CACNA1I: variants seen among roughly 807,000 people sequenced by gnomAD.
The protein encoded by CACNA1I is calcium voltage-gated channel subunit alpha1 I, also known as voltage-dependent T-type calcium channel subunit alpha-1I.
CACNA1I carries 74 observed loss-of-function variants against 201.6 expected under a neutral mutation model. The observed-to-expected ratio is 0.37, with a 90% confidence interval of 0.30 to 0.45. CACNA1I has a LOEUF of 0.45. Among genes scored for constraint, CACNA1I ranks in the 20% least tolerant of loss-of-function variants. CACNA1I has a pLI of 1.00. For synonymous variants in CACNA1I, 1,431 were observed against 1,345.2 expected, an observed-to-expected ratio of 1.06 and a Z score of -1.40; for missense variants, 2,346 against 3,138.1, an observed-to-expected ratio of 0.75 and a Z score of 6.03.
intron 1 of CACNA1I, among the ~76,000 whole-genome samples, chr22:39,572,565 G>C (rs1401505849): frequency 2.0e-5 from 3 of 152,078 alleles, no homozygotes; most frequent in East Asian, 3.9e-4. Flanking sequence ...TCCTTGCTGG[G>C]TGGGGGCTAA....
chr22:39,586,259 G>A (rs1932750494), intron 1 of CACNA1I, among the ~76,000 whole-genome samples: 5 of 152,190 alleles, frequency 3.3e-5, no homozygotes, highest in Admixed American at 3.3e-4. Context: ...GGAGGCCAAG[G>A]TGGGTGAATC....
intron 5 of CACNA1I, among the ~76,000 whole-genome samples, chr22:39,635,063 A>C (rs1477061498): frequency 6.6e-6 from 1 of 152,104 alleles, no homozygotes; most frequent in Admixed American, 6.5e-5. Flanking sequence ...GATTATTGAC[A>C]CACAAATCAA....
At chr22:39,672,356 T>A in intron 27 of CACNA1I, 48 bp downstream of exon 27, 1 of 1,266,494 alleles carries the variant, frequency 7.9e-7, no homozygotes, top group Non-Finnish European at 1.2e-6. Context: ...GACTGCAGGA[T>A]GAAGAAGCAG....
Position 39,662,856 on chromosome 22 carries a change from C to T in CACNA1I, c.3453C>T (p.Tyr1151=), listed in dbSNP as rs1482386128. The change falls in exon 18 of 37, where the codon TAC becomes TAT. Residue 1151 remains tyrosine, a synonymous_variant. Coordinates refer to ENST00000402142, the MANE Select transcript of CACNA1I (RefSeq NM_021096.4). The part of the protein sequence containing the change: ...WCEVREDWSV[Y]LFSPENRFRV... ...AGGTCCGCGAAGACTGGTCTGTCTA[C>T]CTCTTCTCTCCCGAGAACAGGTGGG... is the stretch of plus-strand genomic sequence containing the variant. The T allele has an allele frequency of 3.1e-6, 5 of 1,595,254 alleles. No homozygotes were observed. The East Asian group carries it at 6.8e-5, about 22-fold the overall frequency.
rs1413126482 is a variant in CACNA1I, at chr22:39,685,345, G to A, written c.6028-416G>A. ...TGGGAGGTGGGGGGCCCACGGGGCC[G>A]GGAGGTGGGGGCCAGGGGCCGGAGC... is the stretch of plus-strand genomic sequence containing the variant. On this transcript the variant is annotated intron_variant, in intron 36 of 36. Coordinates refer to ENST00000402142, the MANE Select transcript of CACNA1I (RefSeq NM_021096.4). The surrounding 1 kb of genome is among the most constrained non-coding windows in gnomAD (Gnocchi z 5.0). The A allele has an allele frequency of 8.7e-5, 14 of 160,910 alleles. No homozygotes were observed. Among genetic ancestry groups the A allele is most frequent in the Non-Finnish European group, 1.9e-4 (14 of 75,036 alleles). The allele number at this position is 160,910 out of a possible 1,614,324, so 10.0% of individuals were successfully genotyped here.
At position 39,677,512 on chromosome 22, in the gene CACNA1I, G is replaced by A. The variant is rs892252666; in HGVS notation, c.4933+93G>A. 66 of 849,404 alleles carry A rather than the reference G, an allele frequency of 7.8e-5. No individual in the cohort carries two copies. Among genetic ancestry groups the A allele is most frequent in the Middle Eastern group, 2.9e-4 (1 of 3,490 alleles). 52.6% of individuals were successfully genotyped at this position (849,404 alleles called of 1,614,324 possible). The stretch of plus-strand genomic sequence containing the variant: ...GGGGAGGCCTGAGACCCCTGAGCCC[G>A]TCACATCAGGGTCTTTGTATTGGGG... On this transcript the variant is annotated intron_variant, in intron 30 of 36. Transcript: ENST00000402142. The surrounding 1 kb of genome is among the most constrained non-coding windows in gnomAD (Gnocchi z 4.8).
chr22:39,589,479 C>T (rs1048601446), intron 1 of CACNA1I, among the ~76,000 whole-genome samples: 1 of 152,258 alleles, frequency 6.6e-6, no homozygotes, highest in African/African-American at 2.4e-5. Context: ...ACCCCAGGCT[C>T]TGAAACAGCT....
intron 10 of CACNA1I, among the ~76,000 whole-genome samples, chr22:39,653,628 C>T (rs1012429227): frequency 3.9e-5 from 6 of 152,180 alleles, no homozygotes; most frequent in African/African-American, 1.4e-4. Context: ...TCCTGGCTGG[C>T]AGGGAGCTCT....
At chr22:39,683,098 T>C (rs961803205) in intron 35 of CACNA1I, among the ~76,000 whole-genome samples, 2 of 152,226 alleles carry the variant, frequency 1.3e-5, no homozygotes, top group African/African-American at 2.4e-5. Context: ...GTGTCTTCAA[T>C]AGCCGTTTTG....
chr22:39,624,407 C>T (rs1159723505), intron 4 of CACNA1I, among the ~76,000 whole-genome samples: 5 of 152,270 alleles, frequency 3.3e-5, no homozygotes, highest in Middle Eastern at 3.4e-3. Flanking sequence ...AGAGGAGCTC[C>T]GAGCGGGCTC....
chr22:39,681,273 C>T (rs893565593), intron 34 of CACNA1I, among the ~76,000 whole-genome samples: 1 of 152,234 alleles, frequency 6.6e-6, no homozygotes, highest in East Asian at 1.9e-4. Context: ...CACTCCAACC[C>T]GGCACCCAGC....
chr22:39,644,240 G>A (rs967665747), intron 7 of CACNA1I, among the ~76,000 whole-genome samples: 1 of 152,218 alleles, frequency 6.6e-6, no homozygotes, highest in Non-Finnish European at 1.5e-5. Flanking sequence ...AGGGGCTGGA[G>A]GATGCTCCAT....
In CACNA1I at chr22:39,634,623, G is replaced by A; in HGVS notation, c.639G>A (p.Leu213=). 1 of 1,613,962 alleles carries A rather than the reference G, an allele frequency of 6.2e-7. No homozygotes were observed. ...CACTGCCCATGCTGGGGAATGTCCTGCTGCTCTGCTTCTTTGTCTTCTTCA... is the reference window on the plus strand; with the variant it reads ...CACTGCCCATGCTGGGGAATGTCCTACTGCTCTGCTTCTTTGTCTTCTTCA... ...LDTLPMLGNV[L]LLCFFVFFIF... Residue 213 remains leucine, a synonymous_variant, in exon 5 of 37, where the codon CTG becomes CTA. Coordinates refer to ENST00000402142, the MANE Select transcript of CACNA1I (RefSeq NM_021096.4).
At chr22:39,612,748 G>C (rs1432731823) in intron 3 of CACNA1I, among the ~76,000 whole-genome samples, 1 of 152,174 alleles carries the variant, frequency 6.6e-6, no homozygotes, top group Non-Finnish European at 1.5e-5. Flanking sequence ...CCATAGCAAT[G>C]GGTGAAATGA....
chr22:39,572,288 G>T (rs1269608435), intron 1 of CACNA1I, among the ~76,000 whole-genome samples: 1 of 152,034 alleles, frequency 6.6e-6, no homozygotes, highest in Non-Finnish European at 1.5e-5. Context: ...GTGGTTTGAG[G>T]GTCCCACCAA....
rs964686269 is a variant in CACNA1I, at chr22:39,684,903, G to A, written c.6027+405G>A. On this transcript the variant is annotated intron_variant, in intron 36 of 36. Coordinates refer to ENST00000402142, the MANE Select transcript of CACNA1I (RefSeq NM_021096.4). This position sits in a 1 kb window ranked among gnomAD's most constrained non-coding sequence, Gnocchi z 4.6. ...GCTTGATTACTAGGAATGGAGGTGG[G>A]AGGGCGGGTCTGGTGGATGAGAAGC... 1 of 386,842 alleles carries A rather than the reference G, an allele frequency of 2.6e-6. No individual in the cohort carries two copies. The highest frequency in any genetic ancestry group is 4.7e-6 in the Non-Finnish European group (1 of 212,052). The allele number at this position is 386,842 out of a possible 1,614,324, so 24.0% of individuals were successfully genotyped here.
At position 39,659,249 on chromosome 22, in the gene CACNA1I, C is replaced by A; in HGVS notation, c.2330+133C>A. The stretch of plus-strand genomic sequence containing the variant: ...GGGTGTGAAGCCTGACACTGTTCCT[C>A]AGTCCCCTGTGGCTTTCAGCAAGCA... On this transcript the variant is annotated intron_variant, in intron 12 of 36. Transcript: ENST00000402142. The surrounding 1 kb of genome is among the most constrained non-coding windows in gnomAD (Gnocchi z 4.3). The A allele has an allele frequency of 8.8e-7, 1 of 1,138,190 alleles. No individual in the cohort carries two copies. The highest frequency in any genetic ancestry group is 1.3e-6 in the Non-Finnish European group (1 of 795,968). The allele number at this position is 1,138,190 out of a possible 1,614,324, so 70.5% of individuals were successfully genotyped here.
intron 3 of CACNA1I, among the ~76,000 whole-genome samples, chr22:39,602,843 C>T (rs1933108133): frequency 6.6e-6 from 1 of 152,022 alleles, no homozygotes; most frequent in Admixed American, 6.6e-5. Context: ...TAAGGGGGAC[C>T]TTAGAGAACT....
intron 31 of CACNA1I, 84 bp downstream of exon 31, chr22:39,678,192 C>G: frequency 6.8e-7 from 1 of 1,470,894 alleles, no homozygotes; most frequent in East Asian, 2.4e-5. Flanking sequence ...GGGCTCTGCC[C>G]ACCCAGGGCC....
Sources: allele counts gnomAD v4.1 joint callset (sites outside exome capture counted in the v4.1 genomes callset), GRCh38; gene constraint gnomAD v4.1.1; non-coding constraint Gnocchi (gnomAD v3.1); transcripts MANE v1.5; gene names NCBI Gene and HGNC (gene_info 2026-07-23, HGNC 2026-07-21).